The following OPHN1 variants were observed in gnomAD, a reference collection of about 807,000 sequenced individuals.
OPHN1 encodes the protein oligophrenin 1.
Under a neutral mutation model 60.7 loss-of-function variants are expected in OPHN1, and 11 were observed. The ratio of observed to expected loss-of-function variants is 0.18; its 90% confidence interval spans 0.11 to 0.30. The LOEUF (loss-of-function observed/expected upper bound fraction) is 0.30. Ranked by LOEUF, OPHN1 falls within the 10% of genes least tolerant of loss-of-function variation. The pLI is 1.00. For synonymous variants in OPHN1, 226 were observed against 222.6 expected (o/e 1.02, Z -0.14); for missense variants, 449 against 611.0 (o/e 0.73, Z 2.80).
chrX:68,317,642 AAAG>A (rs200297414), intron 2 of OPHN1, among the ~76,000 whole-genome samples: 20,260 of 97,857 alleles, frequency 0.21, 2,708 homozygotes, highest in African/African-American at 0.4. Context: ...AAGAAAAGAA[AAAG>A]AAGAAGAAGA....
At chrX:68,270,837 G>A (rs2077964750) in intron 5 of OPHN1, among the ~76,000 whole-genome samples, 3 of 111,409 alleles carry the variant, frequency 2.7e-5, no homozygotes, top group Middle Eastern at 4.6e-3. Context: ...ACTAAGGTTC[G>A]GAGAGAAGTG....
At chrX:68,416,049 TATATATATATATATATATAGAGAGAG>T (rs1458071748) in intron 2 of OPHN1, among the ~76,000 whole-genome samples, 20 of 59,840 alleles carry the variant, frequency 3.3e-4, no homozygotes, top group Non-Finnish European at 4.2e-4. Context: ...TATATATATA[TATATATATATATATATATAGAGAGAG>T]AGAGAGAGAG....
chrX:68,267,441 C>G (rs1034687866), intron 5 of OPHN1, among the ~76,000 whole-genome samples: 1 of 111,790 alleles, frequency 8.9e-6, no homozygotes, highest in East Asian at 2.8e-4. Flanking sequence ...GGGTACATAA[C>G]GAAATGAAGG....
At chrX:68,237,515 C>A (rs180939690) in intron 5 of OPHN1, among the ~76,000 whole-genome samples, 1 of 111,763 alleles carries the variant, frequency 8.9e-6, no homozygotes, top group African/African-American at 3.2e-5. Context: ...TGATTTAGGG[C>A]TTCTTTAATT....
intron 2 of OPHN1, among the ~76,000 whole-genome samples, chrX:68,363,477 G>GT (rs746788742): frequency 2.6e-4 from 28 of 107,723 alleles, no homozygotes; most frequent in Admixed American, 1.6e-3. Flanking sequence ...ACCCAGCTAT[G>GT]TTTTTTTTTA....
At chrX:68,071,870 G>A (rs1569203244) in intron 20 of OPHN1, 1 of 323,267 alleles carries the variant, frequency 3.1e-6, no homozygotes, top group East Asian at 6.2e-5. Context: ...TTTAAAGGAT[G>A]TGCTGTTACT....
chrX:68,370,914 A>C (rs557466825), intron 2 of OPHN1, among the ~76,000 whole-genome samples: 2 of 112,009 alleles, frequency 1.8e-5, no homozygotes, highest in African/African-American at 6.5e-5. Flanking sequence ...ACTACAAAAA[A>C]ATCAATTAAT....
chrX:68,290,775 T>TA (rs761651566), intron 3 of OPHN1, among the ~76,000 whole-genome samples: 269 of 98,866 alleles, frequency 2.7e-3, no homozygotes, highest in African/African-American at 7.6e-3. Flanking sequence ...AAACCCTGAT[T>TA]AAAAAAAAAA....
intron 18 of OPHN1, among the ~76,000 whole-genome samples, chrX:68,110,094 G>T (rs1245244840): frequency 9.1e-6 from 1 of 110,014 alleles, no homozygotes; most frequent in Non-Finnish European, 1.9e-5. Context: ...GTTAGGTACT[G>T]CCAAATCCCC....
chrX:68,271,395 G>C (rs1359301798), intron 5 of OPHN1, among the ~76,000 whole-genome samples: 3 of 108,570 alleles, frequency 2.8e-5, no homozygotes, highest in Non-Finnish European at 5.7e-5. Flanking sequence ...AAATTAGCCA[G>C]GCATGGTGGT....
intron 15 of OPHN1, among the ~76,000 whole-genome samples, chrX:68,185,701 T>A (rs2077459385): frequency 1.8e-5 from 2 of 110,504 alleles, no homozygotes; most frequent in African/African-American, 6.6e-5. Context: ...AGGTAAGCAG[T>A]AGCCCTAAAC....
In OPHN1 at chrX:68,422,630, A is replaced by AAG. The variant is rs1295372535; in HGVS notation, c.154+10236_154+10237insCT. Among the ~76,000 whole-genome samples, 791 of 96,284 alleles carry AAG rather than the reference A, an allele frequency of 8.2e-3. 9 individuals carry two copies. Among genetic ancestry groups the AAG allele is most frequent in the African/African-American group, 0.031 (759 of 24,545 alleles). 83.6% of individuals were successfully genotyped at this position (96,284 alleles called of 115,157 possible). A position where few individuals can be genotyped will look rare whatever the true frequency, so the allele number is the denominator to read the frequency against. ...AGAAAAAGAGAGAGAGAAAGAAAGAAAAAGGAAGGAAGGAAGGAGGGAGGG... is the reference window on the plus strand; with the variant it reads ...AGAAAAAGAGAGAGAGAAAGAAAGAAAGAAAGGAAGGAAGGAAGGAGGGAGGG... On this transcript the variant is annotated intron_variant, in intron 2 of 24. Transcript: ENST00000355520.
At chrX:68,416,487 C>A (rs1355694036) in intron 2 of OPHN1, among the ~76,000 whole-genome samples, 1 of 111,357 alleles carries the variant, frequency 9.0e-6, no homozygotes, top group Non-Finnish European at 1.9e-5. Context: ...CGCTAGTGAA[C>A]CAGTGTGTTT....
At chrX:68,331,386 G>T (rs780437730) in intron 2 of OPHN1, among the ~76,000 whole-genome samples, 1 of 109,383 alleles carries the variant, frequency 9.1e-6, no homozygotes, top group Non-Finnish European at 1.9e-5. Flanking sequence ...AATAAGGACT[G>T]GGGAAAGAGG....
chrX:68,057,490 A>G (rs2076877756), intron 21 of OPHN1, among the ~76,000 whole-genome samples: 1 of 111,550 alleles, frequency 9.0e-6, no homozygotes, highest in African/African-American at 3.3e-5. Context: ...GCTGGAAAAC[A>G]TGTCTACCTG....
intron 2 of OPHN1, among the ~76,000 whole-genome samples, chrX:68,431,048 T>C (rs1228341668): frequency 9.0e-6 from 1 of 111,163 alleles, no homozygotes; most frequent in Non-Finnish European, 1.9e-5. Flanking sequence ...TGAGATTCGT[T>C]TTACTGGGGA....
Position 68,212,123 on chromosome X carries a change from T to C in OPHN1, c.687A>G (p.Gln229=), listed in dbSNP as rs200538472. 27 of 1,190,346 alleles carry C rather than the reference T, an allele frequency of 2.3e-5. No individual in the cohort carries two copies. The highest frequency in any genetic ancestry group is 3.1e-5 in the Non-Finnish European group (27 of 878,882). ...QDFLPYKQQL[Q]LSLQNTRNHF... ...GCAAACTCACATTCTGTAAACTGAG[T>C]TGGAGCTGTTGTTTGTATGGGAGGA... The change falls in exon 8 of 25, where the codon CAA becomes CAG. Residue 229 remains glutamine, a synonymous_variant. Coordinates refer to ENST00000355520, the MANE Select transcript of OPHN1 (RefSeq NM_002547.3).
chrX:68,111,369 G>A (rs1340525795), intron 18 of OPHN1, among the ~76,000 whole-genome samples: 3 of 112,245 alleles, frequency 2.7e-5, no homozygotes, highest in Non-Finnish European at 5.6e-5. Context: ...CCAGGATCCC[G>A]CTGTCTGTTA....
At chrX:68,064,254 C>T in intron 20 of OPHN1, 77 bp from the exon 21 acceptor site, 1 of 983,959 alleles carries the variant, frequency 1.0e-6, no homozygotes, top group Non-Finnish European at 1.4e-6. Context: ...TGCATACATA[C>T]TTAATTTTGA....
Sources: allele counts gnomAD v4.1 joint callset (sites outside exome capture counted in the v4.1 genomes callset), GRCh38; gene constraint gnomAD v4.1.1; transcripts MANE v1.5; gene names NCBI Gene and HGNC (gene_info 2026-07-23, HGNC 2026-07-21).